The following PBX3 variants were observed in gnomAD, a reference collection of about 807,000 sequenced individuals.
PBX3 encodes PBX homeobox 3, also known as pre-B-cell leukemia transcription factor 3.
In PBX3, 14 loss-of-function variants were observed where a neutral mutation model predicts 48.5. That is an observed-to-expected ratio of 0.29 (90% confidence interval 0.19 to 0.45). PBX3 has a LOEUF of 0.45. PBX3 is among the 20% of genes least tolerant of loss of function. The probability of loss-of-function intolerance (pLI) is 1.00; values close to 1 mark genes in which losing one functional copy is unlikely to be tolerated. For missense variants in PBX3, 386 were observed against 546.7 expected (o/e 0.71, Z 2.93); for synonymous variants, 210 against 200.3 (o/e 1.05, Z -0.41).
At chr9:125,926,009 C>A (rs1841566499) in intron 3 of PBX3, among the ~76,000 whole-genome samples, 1 of 152,204 alleles carries the variant, frequency 6.6e-6, no homozygotes, top group South Asian at 2.1e-4. Flanking sequence ...ATGGAACTAG[C>A]TGTAGAACTA....
chr9:125,794,061 T>A (rs890734860), intron 2 of PBX3, among the ~76,000 whole-genome samples: 2 of 152,220 alleles, frequency 1.3e-5, no homozygotes, highest in African/African-American at 4.8e-5. Context: ...TGATGTTTTC[T>A]TACAAAAGCC....
At chr9:125,807,653 G>A (rs1289283943) in intron 2 of PBX3, among the ~76,000 whole-genome samples, 3 of 151,988 alleles carry the variant, frequency 2.0e-5, no homozygotes, top group Non-Finnish European at 4.4e-5. Flanking sequence ...TCAGTACCTG[G>A]TTAGCCCTTA....
chr9:125,849,045 G>C (rs1839506929), intron 2 of PBX3, among the ~76,000 whole-genome samples: 2 of 151,876 alleles, frequency 1.3e-5, no homozygotes, highest in African/African-American at 4.8e-5. Flanking sequence ...TAGGAAGTTG[G>C]TAGAATTTCT....
In PBX3 at chr9:125,959,259, G is replaced by T. The variant is rs114757494; in HGVS notation, c.844-1425G>T. ...CTTCTAGGGGGAAAAAATGATGGTA[G>T]AACAGAAACAGCTAGGAAGTGCTGA... On this transcript the variant is annotated intron_variant, in intron 5 of 8. Coordinates refer to ENST00000373489, the MANE Select transcript of PBX3 (RefSeq NM_006195.6). 2.5e-3 allele frequency among the ~76,000 whole-genome samples: 386 copies of T among 152,350 alleles called. 3 individuals carry two copies. The highest frequency in any genetic ancestry group is 8.4e-3 in the African/African-American group (351 of 41,578).
intron 2 of PBX3, among the ~76,000 whole-genome samples, chr9:125,848,537 A>G (rs1839491514): frequency 1.3e-5 from 2 of 152,000 alleles, no homozygotes; most frequent in Admixed American, 6.6e-5. Context: ...CTATTGCATT[A>G]TTGCTATAAA....
At chr9:125,878,387 G>T (rs1256450941) in intron 2 of PBX3, among the ~76,000 whole-genome samples, 2 of 152,206 alleles carry the variant, frequency 1.3e-5, no homozygotes, top group Non-Finnish European at 2.9e-5. Context: ...AACTTGCATT[G>T]GATGTCCATA....
intron 2 of PBX3, chr9:125,843,837 A>C (rs1564134835): frequency 6.6e-6 from 3 of 455,726 alleles, no homozygotes; most frequent in Non-Finnish European, 1.3e-5. Context: ...GCGAAAGTGC[A>C]GGCCTGCTGA....
intron 7 of PBX3, among the ~76,000 whole-genome samples, chr9:125,962,611 C>G (rs1392413378): frequency 6.6e-6 from 1 of 152,186 alleles, no homozygotes; most frequent in Non-Finnish European, 1.5e-5. Context: ...CTACTCTTTT[C>G]TTGTCCTCTT....
intron 2 of PBX3, among the ~76,000 whole-genome samples, chr9:125,846,093 A>G (rs1445479577): frequency 6.6e-6 from 1 of 152,098 alleles, no homozygotes; most frequent in Admixed American, 6.6e-5. Context: ...TGAAGATGTC[A>G]TTTGAGGAAG....
At chr9:125,961,540 G>A (rs872524) in intron 6 of PBX3, among the ~76,000 whole-genome samples, 1 of 152,172 alleles carries the variant, frequency 6.6e-6, no homozygotes, top group South Asian at 2.1e-4. Context: ...TTCCAGGGGC[G>A]TTTCTGAGAA....
At position 125,958,638 on chromosome 9, in the gene PBX3, A is replaced by T. The variant is rs1443886270; in HGVS notation, c.844-2046A>T. Among the ~76,000 whole-genome samples, 3 of 152,214 alleles carry T rather than the reference A, an allele frequency of 2.0e-5. No individual in the cohort carries two copies. In the East Asian group the frequency reaches 5.8e-4, roughly 29 times the overall value. On this transcript the variant is annotated intron_variant, in intron 5 of 8. Transcript: ENST00000373489. The stretch of plus-strand genomic sequence containing the variant: ...CATCTCTGGAGATGGAGAGATCAGG[A>T]CCACAAAGAAAATATAGAGGAGGTG...
rs1352715156 is a variant in PBX3 at position 125,897,613 on chromosome 9, T to C, written c.275-18073T>C. Among the ~76,000 whole-genome samples the C allele has an allele frequency of 2.3e-4, 35 of 152,040 alleles. 1 individual carries two copies. The highest frequency in any genetic ancestry group is 2.3e-3 in the Admixed American group (35 of 15,232). On this transcript the variant is annotated intron_variant, in intron 2 of 8. Transcript: ENST00000373489. ...CACACACCAGCAAAATGTATTCACATGTCTAAAAAACCACATACTAAAATT... is the reference window on the plus strand; with the variant it reads ...CACACACCAGCAAAATGTATTCACACGTCTAAAAAACCACATACTAAAATT...
chr9:125,784,332 T>C (rs1265403998), intron 2 of PBX3, among the ~76,000 whole-genome samples: 1 of 152,160 alleles, frequency 6.6e-6, no homozygotes, highest in East Asian at 1.9e-4. Context: ...TTTCGCCATG[T>C]TGGCCAGGCT....
At chr9:125,857,505 A>G (rs1839753241) in intron 2 of PBX3, among the ~76,000 whole-genome samples, 1 of 152,126 alleles carries the variant, frequency 6.6e-6, no homozygotes, top group Non-Finnish European at 1.5e-5. Flanking sequence ...CCATTTACAT[A>G]TAATCCCTCT....
At chr9:125,902,033 A>T (rs1840958005) in intron 2 of PBX3, among the ~76,000 whole-genome samples, 1 of 151,414 alleles carries the variant, frequency 6.6e-6, no homozygotes, top group African/African-American at 2.4e-5. Flanking sequence ...TGCTTTTTTT[A>T]AAAATGTATC....
intron 2 of PBX3, among the ~76,000 whole-genome samples, chr9:125,876,428 C>A (rs1324673949): frequency 1.3e-5 from 2 of 152,198 alleles, no homozygotes; most frequent in South Asian, 4.1e-4. Flanking sequence ...CCTCCTCCTC[C>A]CCTTCAGCCT....
chr9:125,755,423 A>T lies in PBX3; in HGVS notation c.274+6800A>T, dbSNP rs1836487889. Reference sequence around the variant, plus strand: ...AACAGTGTGCGGTAAAAGTGTTTAGAGAGAGAGGATAAATAAATTGAACAG... The same window carrying T: ...AACAGTGTGCGGTAAAAGTGTTTAGTGAGAGAGGATAAATAAATTGAACAG... On this transcript the variant is annotated intron_variant, in intron 2 of 8. Coordinates refer to ENST00000373489, the MANE Select transcript of PBX3 (RefSeq NM_006195.6). 5.3e-5 allele frequency among the ~76,000 whole-genome samples: 8 copies of T among 152,112 alleles called. No individual in the cohort carries two copies. The South Asian group carries it at 1.7e-3, about 31-fold the overall frequency.
At chr9:125,907,194 A>G (rs926095112) in intron 2 of PBX3, among the ~76,000 whole-genome samples, 5 of 152,032 alleles carry the variant, frequency 3.3e-5, no homozygotes, top group African/African-American at 9.7e-5. Context: ...TGAGATGGCT[A>G]AAAGCAATAA....
intron 2 of PBX3, among the ~76,000 whole-genome samples, chr9:125,815,316 C>A (rs1838426483): frequency 6.6e-6 from 1 of 152,166 alleles, no homozygotes; most frequent in Admixed American, 6.6e-5. Flanking sequence ...GACCACATTT[C>A]ATCTTTCTCT....
Sources: gnomAD v4.1 joint callset for allele counts (sites outside exome capture counted in the v4.1 genomes callset) on GRCh38, gnomAD v4.1.1 for gene constraint, MANE v1.5 for transcripts, NCBI Gene and HGNC (gene_info 2026-07-23, HGNC 2026-07-21) for gene names.